SGPP2: variants seen among roughly 807,000 people sequenced by gnomAD.
SGPP2 encodes sphingosine-1-phosphate phosphatase 2, also known as sphingosine 1-phosphate phosphohydrolase 2.
In SGPP2, 30 loss-of-function variants were observed where a neutral mutation model predicts 33.9. The observed-to-expected ratio is 0.89, with a 90% CI of 0.66 to 1.20. SGPP2 has a LOEUF of 1.20. Ranked by LOEUF, SGPP2 falls within the 50% of genes most tolerant of loss-of-function variation. SGPP2 has a pLI of 0.00. For synonymous variants in SGPP2, 233 were observed against 225.0 expected (o/e 1.04, Z -0.32); for missense variants, 458 against 532.1 (o/e 0.86, Z 1.37).
intron 4 of SGPP2, among the ~76,000 whole-genome samples, chr2:222,536,199 A>T (rs182551869): frequency 6.6e-6 from 1 of 152,244 alleles, no homozygotes; most frequent in Non-Finnish European, 1.5e-5. Context: ...AAGTTTTTCC[A>T]TAGCTTATAA....
At chr2:222,528,323 A>G in intron 4 of SGPP2, among the ~76,000 whole-genome samples, 1 of 152,134 alleles carries the variant, frequency 6.6e-6, no homozygotes, top group Non-Finnish European at 1.5e-5. Flanking sequence ...CATCACCATC[A>G]AGTCAATATC....
intron 4 of SGPP2, among the ~76,000 whole-genome samples, chr2:222,551,520 T>G (rs1689293991): frequency 6.6e-6 from 1 of 152,206 alleles, no homozygotes; most frequent in Non-Finnish European, 1.5e-5. Context: ...AGAAACTGTT[T>G]GGAATAATTT....
intron 1 of SGPP2, among the ~76,000 whole-genome samples, chr2:222,445,795 A>G (rs978434982): frequency 6.6e-5 from 10 of 152,118 alleles, no homozygotes; most frequent in African/African-American, 2.4e-4. Context: ...TCTCCTCTGA[A>G]TCCTCCCAAT....
rs995108756 is a variant in SGPP2 at position 222,516,687 on chromosome 2, G to A, written c.379-5080G>A. On this transcript the variant is annotated intron_variant, in intron 2 of 4. Transcript: ENST00000321276. ...GGTACCATTTTTGTTTCCTCCAGAG[G>A]CATATGAGAGGTTCAGGTGCTCCAC... is the stretch of plus-strand genomic sequence containing the variant. Among the ~76,000 whole-genome samples the A allele has an allele frequency of 2.6e-5, 4 of 152,212 alleles. No homozygotes were observed. The South Asian group carries it at 8.3e-4, about 32-fold the overall frequency.
intron 2 of SGPP2, among the ~76,000 whole-genome samples, chr2:222,484,300 C>T (rs2106104828): frequency 6.6e-6 from 1 of 152,328 alleles, no homozygotes. Flanking sequence ...GCTGCTAAGA[C>T]TGCAATGCTG....
intron 2 of SGPP2, among the ~76,000 whole-genome samples, chr2:222,480,989 G>A (rs1698020847): frequency 1.3e-5 from 2 of 152,144 alleles, no homozygotes; most frequent in African/African-American, 4.8e-5. Flanking sequence ...CAAACTATCA[G>A]GAACAGAAAA....
chr2:222,488,397 A>G (rs1045161626), intron 2 of SGPP2, among the ~76,000 whole-genome samples: 7 of 152,206 alleles, frequency 4.6e-5, no homozygotes, highest in Non-Finnish European at 8.8e-5. Flanking sequence ...CATGCACCCT[A>G]TTGTGAACTG....
chr2:222,517,330 A>G (rs1698618390), intron 2 of SGPP2, among the ~76,000 whole-genome samples: 1 of 152,224 alleles, frequency 6.6e-6, no homozygotes, highest in African/African-American at 2.4e-5. Context: ...GAAGAGCAGC[A>G]GAATGGCACA....
At chr2:222,508,610 T>A (rs892866260) in intron 2 of SGPP2, among the ~76,000 whole-genome samples, 1 of 152,180 alleles carries the variant, frequency 6.6e-6, no homozygotes, top group Admixed American at 6.5e-5. Flanking sequence ...TATACATACA[T>A]CTGTGATTTA....
chr2:222,479,382 G>A (rs1436565813), intron 2 of SGPP2, among the ~76,000 whole-genome samples: 1 of 139,562 alleles, frequency 7.2e-6, no homozygotes, highest in African/African-American at 2.7e-5. Flanking sequence ...CTGCTTGACT[G>A]TTTCTTATCT....
intron 1 of SGPP2, chr2:222,452,930 C>T (rs1443617479): frequency 6.3e-7 from 1 of 1,579,608 alleles, no homozygotes; most frequent in Non-Finnish European, 8.7e-7. Context: ...AAAGTTCTTG[C>T]ATCTGTTGAA....
Position 222,475,230 on chromosome 2 carries a change from C to G in SGPP2, c.378+504C>G, listed in dbSNP as rs561675863. Among the ~76,000 whole-genome samples the G allele has an allele frequency of 7.9e-5, 12 of 152,170 alleles. No individual in the cohort carries two copies. The East Asian group carries it at 2.3e-3, about 29-fold the overall frequency. ...GACTACAGATGTGCACCACCACACGCGGTTATTTTGGTATTTTTAGTAGAG... is the reference window on the plus strand; with the variant it reads ...GACTACAGATGTGCACCACCACACGGGGTTATTTTGGTATTTTTAGTAGAG... On this transcript the variant is annotated intron_variant, in intron 2 of 4. Transcript: ENST00000321276.
intron 1 of SGPP2, among the ~76,000 whole-genome samples, chr2:222,439,696 G>A (rs1056089962): frequency 1.3e-5 from 2 of 152,188 alleles, no homozygotes; most frequent in Admixed American, 1.3e-4. Flanking sequence ...AATTTCAAAA[G>A]ATCAAGTTCT....
At chr2:222,525,544 G>A (rs979299645) in intron 4 of SGPP2, among the ~76,000 whole-genome samples, 40 of 152,300 alleles carry the variant, frequency 2.6e-4, no homozygotes, top group Admixed American at 3.3e-4. Flanking sequence ...AGTCCCATCT[G>A]CATGTAAAGG....
intron 1 of SGPP2, among the ~76,000 whole-genome samples, chr2:222,433,416 G>C (rs1470819999): frequency 4.6e-5 from 7 of 152,186 alleles, no homozygotes; most frequent in Admixed American, 4.6e-4. Context: ...CAAGTAGGTC[G>C]TTATTTCTCT....
At chr2:222,484,640 T>A (rs1252160855) in intron 2 of SGPP2, among the ~76,000 whole-genome samples, 1 of 152,124 alleles carries the variant, frequency 6.6e-6, no homozygotes, top group East Asian at 1.9e-4. Flanking sequence ...CCAAGTTACA[T>A]GTAGACCCCA....
intron 1 of SGPP2, among the ~76,000 whole-genome samples, chr2:222,453,422 T>G (rs1697523223): frequency 6.6e-6 from 1 of 152,118 alleles, no homozygotes; most frequent in Non-Finnish European, 1.5e-5. Context: ...TATCAAGAAG[T>G]TGGGATGAAG....
intron 2 of SGPP2, among the ~76,000 whole-genome samples, chr2:222,478,265 ATTTG>A (rs1697978884): frequency 1.4e-5 from 1 of 72,484 alleles, no homozygotes; most frequent in African/African-American, 4.4e-5. Context: ...ATGTGCATGC[ATTTG>A]TGTGTGTGTG....
chr2:222,503,549 C>T (rs911371347), intron 2 of SGPP2, among the ~76,000 whole-genome samples: 1 of 152,158 alleles, frequency 6.6e-6, no homozygotes, highest in Non-Finnish European at 1.5e-5. Context: ...GTATAAATTA[C>T]AGGCCATCAT....
Sources: gnomAD v4.1 joint callset for allele counts (sites outside exome capture counted in the v4.1 genomes callset) on GRCh38, gnomAD v4.1.1 for gene constraint, MANE v1.5 for transcripts, NCBI Gene and HGNC (gene_info 2026-07-23, HGNC 2026-07-21) for gene names.